Variants in GALNT17 observed in about 807,000 individuals in gnomAD.
The protein encoded by GALNT17 is polypeptide N-acetylgalactosaminyltransferase 17.
GALNT17 carries 29 observed loss-of-function variants against 63.7 expected under a neutral mutation model. That is an observed-to-expected ratio of 0.46 (90% CI 0.34 to 0.62). GALNT17 has a LOEUF of 0.62. Among genes scored for constraint, GALNT17 ranks in the 20% least tolerant of loss-of-function variants. The pLI is 0.01. For synonymous variants in GALNT17, 305 were observed against 318.3 expected (o/e 0.96, Z 0.45); for missense variants, 603 against 799.6 (o/e 0.75, Z 2.97).
intron 6 of GALNT17, among the ~76,000 whole-genome samples, chr7:71,598,790 G>T (rs1789924481): frequency 6.9e-6 from 1 of 144,040 alleles, no homozygotes; most frequent in Non-Finnish European, 1.5e-5. Context: ...AAGTGACTAA[G>T]CACACAGAAA....
chr7:71,330,853 A>G (rs2116062293), intron 1 of GALNT17, among the ~76,000 whole-genome samples: 1 of 152,294 alleles, frequency 6.6e-6, no homozygotes, highest in Non-Finnish European at 1.5e-5. Context: ...TGGTGGAAAT[A>G]GACAAGGGAT....
At chr7:71,209,379 A>G (rs1424317062) in intron 1 of GALNT17, among the ~76,000 whole-genome samples, 1 of 152,228 alleles carries the variant, frequency 6.6e-6, no homozygotes. Flanking sequence ...AATCTTCACA[A>G]AAACTCTTAA....
At chr7:71,135,265 G>A (rs2867039) in intron 1 of GALNT17, among the ~76,000 whole-genome samples, 118,861 of 152,136 alleles carry the variant, frequency 0.78, 47,123 homozygotes, top group East Asian at 0.99. Flanking sequence ...CTGTGTGCCA[G>A]ATGTGTGCAG....
intron 1 of GALNT17, among the ~76,000 whole-genome samples, chr7:71,264,458 C>T (rs1368212585): frequency 6.6e-6 from 1 of 152,128 alleles, no homozygotes; most frequent in East Asian, 1.9e-4. Flanking sequence ...CTTCCATACC[C>T]TCCACAATCC....
intron 5 of GALNT17, among the ~76,000 whole-genome samples, chr7:71,428,202 T>A (rs1269877991): frequency 6.6e-6 from 1 of 152,204 alleles, no homozygotes; most frequent in Non-Finnish European, 1.5e-5. Flanking sequence ...TCCAGTTTTC[T>A]TATTCCCCCA....
At chr7:71,614,519 G>A (rs1398628212) in intron 6 of GALNT17, among the ~76,000 whole-genome samples, 1 of 151,900 alleles carries the variant, frequency 6.6e-6, no homozygotes, top group Non-Finnish European at 1.5e-5. Context: ...CACTCAAGAG[G>A]CTGAGATGGA....
Position 71,552,613 on chromosome 7 carries a change from T to C in GALNT17, c.963-18672T>C, listed in dbSNP as rs201796148. On this transcript the variant is annotated intron_variant, in intron 5 of 10. Transcript: ENST00000333538. ...GTGCCACCACACCCGGTTAATTTCT[T>C]GTATGTTTAGTAGAGACAGGGTTTC... Among the ~76,000 whole-genome samples, 4 of 151,926 alleles carry C rather than the reference T, an allele frequency of 2.6e-5. No homozygotes were observed. The East Asian group carries it at 7.8e-4, about 30-fold the overall frequency.
chr7:71,352,160 C>T (rs75170537), intron 2 of GALNT17, among the ~76,000 whole-genome samples: 1,836 of 152,146 alleles, frequency 0.012, 32 homozygotes, highest in African/African-American at 0.041. Flanking sequence ...GATAAAGTGT[C>T]GTAAGATCTG....
chr7:71,690,873 T>C (rs571528290), intron 9 of GALNT17, among the ~76,000 whole-genome samples: 112 of 152,334 alleles, frequency 7.4e-4, no homozygotes, highest in Non-Finnish European at 1.2e-3. Flanking sequence ...AAGAGTTGTT[T>C]CTTCACGGAT....
At chr7:71,637,842 G>A (rs984587048) in intron 6 of GALNT17, among the ~76,000 whole-genome samples, 18 of 152,140 alleles carry the variant, frequency 1.2e-4, no homozygotes, top group Non-Finnish European at 1.0e-4. Flanking sequence ...GCCAAGAGAC[G>A]GTTCCTGGAT....
At chr7:71,347,544 A>G (rs1003881513) in intron 2 of GALNT17, among the ~76,000 whole-genome samples, 4 of 152,214 alleles carry the variant, frequency 2.6e-5, no homozygotes, top group African/African-American at 9.7e-5. Flanking sequence ...ATCTTCAGGA[A>G]AATATCTACT....
At chr7:71,265,429 A>G (rs1790476825) in intron 1 of GALNT17, among the ~76,000 whole-genome samples, 1 of 151,908 alleles carries the variant, frequency 6.6e-6, no homozygotes, top group South Asian at 2.1e-4. Context: ...CCAGCCAGCT[A>G]TATAAAATAT....
chr7:71,296,625 AC>A (rs1226232052), intron 1 of GALNT17, among the ~76,000 whole-genome samples: 7 of 106,694 alleles, frequency 6.6e-5, no homozygotes, highest in Non-Finnish European at 1.2e-4. Flanking sequence ...AAAAAAAAAA[AC>A]AACTATATAT....
intron 5 of GALNT17, among the ~76,000 whole-genome samples, chr7:71,494,692 A>G (rs1482668732): frequency 1.3e-5 from 2 of 152,100 alleles, no homozygotes; most frequent in Admixed American, 1.3e-4. Flanking sequence ...GAGAAGCTGT[A>G]TTAGTCTGTT....
intron 3 of GALNT17, among the ~76,000 whole-genome samples, chr7:71,409,017 A>ACAC (rs374011039): frequency 2.1e-5 from 3 of 144,868 alleles, no homozygotes; most frequent in Non-Finnish European, 3.0e-5. Flanking sequence ...CACATACACA[A>ACAC]ACACACACAC....
chr7:71,516,255 C>A (rs543346024), intron 5 of GALNT17, among the ~76,000 whole-genome samples: 17 of 152,206 alleles, frequency 1.1e-4, no homozygotes, highest in Non-Finnish European at 2.5e-4. Context: ...AAAAGGGAGG[C>A]AGTTTTTGCA....
chr7:71,600,605 C>T (rs1468683157), intron 6 of GALNT17, among the ~76,000 whole-genome samples: 2 of 152,096 alleles, frequency 1.3e-5, no homozygotes, highest in African/African-American at 4.8e-5. Flanking sequence ...TCAGCAGAGC[C>T]GTAATCAGAT....
chr7:71,248,822 C>T (rs975825863), intron 1 of GALNT17, among the ~76,000 whole-genome samples: 35 of 152,182 alleles, frequency 2.3e-4, no homozygotes, highest in Admixed American at 2.2e-3. Flanking sequence ...GGCAAGGGAA[C>T]GTGGAGGACT....
intron 1 of GALNT17, among the ~76,000 whole-genome samples, chr7:71,217,896 C>G (rs1430268492): frequency 6.6e-6 from 1 of 151,166 alleles, no homozygotes; most frequent in Non-Finnish European, 1.5e-5. Context: ...CCACTGCACT[C>G]CAGCCTGGGT....
Sources: gnomAD v4.1 joint callset for allele counts (sites outside exome capture counted in the v4.1 genomes callset) on GRCh38, gnomAD v4.1.1 for gene constraint, MANE v1.5 for transcripts, NCBI Gene and HGNC (gene_info 2026-07-23, HGNC 2026-07-21) for gene names.